RIIAD1: variants seen among roughly 807,000 people sequenced by gnomAD.
RIIAD1 encodes the protein regulatory subunit of type II PKA R-subunit domain containing 1, also known as RIIa domain-containing protein 1.
Under a neutral mutation model 13.3 loss-of-function variants are expected in RIIAD1, and 15 were observed. The ratio of observed to expected loss-of-function variants is 1.13; its 90% CI spans 0.76 to 1.74. The LOEUF is 1.74. Among genes scored for constraint, RIIAD1 ranks in the 40% most tolerant of loss-of-function variants. The pLI is 0.00. For synonymous variants in RIIAD1, 50 were observed against 43.3 expected, an observed-to-expected ratio of 1.16 and a Z score of -0.61; for missense variants, 121 against 112.2, an observed-to-expected ratio of 1.08 and a Z score of -0.35.
At chr1:151,716,767 G>A (rs1286332217), upstream of RIIAD1, 3 of 465,276 alleles carry the variant, frequency 6.4e-6, no homozygotes, top group East Asian at 7.1e-5. Flanking sequence ...GGGTCCCGGA[G>A]CTCTGCTCTC....
At position 151,721,764 on chromosome 1, in the gene RIIAD1, C is replaced by G. The variant is rs186895692; in HGVS notation, c.84+144C>G. The G allele has an allele frequency of 6.7e-4, 343 of 513,896 alleles. 6 individuals carry two copies. The highest frequency in any genetic ancestry group is 6.0e-3 in the East Asian group (183 of 30,606). 31.8% of individuals were successfully genotyped at this position (513,896 alleles called of 1,614,324 possible). On this transcript the variant is annotated intron_variant, in intron 1 of 4. Coordinates refer to ENST00000479191, the MANE Select transcript of RIIAD1 (RefSeq NM_001144956.3). ...AGTGGGGAGGGCGCAGGGGAGACCC[C>G]CGGCGGACCTCTAGGCGTCTGATCC...
intron 4 of RIIAD1, chr1:151,714,538 C>T (rs750785391): frequency 7.1e-5 from 95 of 1,341,082 alleles, no homozygotes; most frequent in Non-Finnish European, 9.3e-5. Context: ...TGGTGAGCCT[C>T]CTGCCACTTC....
chr1:151,718,816 C>A (rs563280144), upstream of RIIAD1, among the ~76,000 whole-genome samples: 2 of 152,238 alleles, frequency 1.3e-5, no homozygotes, highest in South Asian at 4.2e-4. Flanking sequence ...TAACTTTCCA[C>A]TCACCTACCC....
At chr1:151,729,191 C>G (rs1351565879) in intron 4 of RIIAD1, among the ~76,000 whole-genome samples, 1 of 152,006 alleles carries the variant, frequency 6.6e-6, no homozygotes, top group Non-Finnish European at 1.5e-5. Context: ...GGGAGGGGGC[C>G]ATTAGCATCA....
chr1:151,712,542 G>A (rs758332960), intron 2 of RIIAD1, among the ~76,000 whole-genome samples: 52 of 152,182 alleles, frequency 3.4e-4, no homozygotes, highest in Admixed American at 1.6e-3. Context: ...AGGGTGAAGG[G>A]GGAAGAGCTG....
intron 3 of RIIAD1, 44 bp downstream of exon 3, chr1:151,727,665 G>A (rs1025051530): frequency 1.1e-5 from 15 of 1,335,398 alleles, no homozygotes; most frequent in Middle Eastern, 1.8e-4. Context: ...CAAAGCCAGC[G>A]CAGGGAGCAT....
chr1:151,727,703 C>A (rs1275126299), intron 3 of RIIAD1, 82 bp downstream of exon 3: 1 of 894,204 alleles, frequency 1.1e-6, no homozygotes, highest in Non-Finnish European at 1.7e-6. Context: ...TGAATGAGCC[C>A]AGGATTCTCC....
chr1:151,712,064 T>C (rs1469766508), intron 2 of RIIAD1: 1 of 152,482 alleles, frequency 6.6e-6, no homozygotes, highest in Non-Finnish European at 1.5e-5. Flanking sequence ...CCAGCCTCCT[T>C]CTTCGTGGCC....
chr1:151,721,594 C>T lies in RIIAD1; in HGVS notation c.58C>T (p.Gln20Ter). The change falls in exon 1 of 5, where the codon CAG becomes TAG. Residue 20 changes from glutamine to a stop codon, truncating the protein, a stop_gained. Transcript: ENST00000479191. LOFTEE classifies it high-confidence loss of function. ...RPDPGALSAA[Q>*]LEQLRKFKIQ... ...CGACCCCGGGGCGCTTAGCGCAGCG[C>T]AGCTGGAGCAGCTGCGAAAATTCAA... 7.7e-7 allele frequency: 1 copy of T among 1,302,404 alleles called. No homozygotes were observed. The highest frequency in any genetic ancestry group is 9.8e-7 in the Non-Finnish European group (1 of 1,022,526). 80.7% of individuals were successfully genotyped at this position (1,302,404 alleles called of 1,614,324 possible).
chr1:151,716,441 T>C, intron 4 of RIIAD1: 1 of 288,838 alleles, frequency 3.5e-6, no homozygotes, highest in Non-Finnish European at 6.9e-6. Context: ...GGGAGGAGAC[T>C]GAGGGGTTAA....
chr1:151,728,908 C>T lies in RIIAD1; in HGVS notation c.*57+15C>T. On this transcript the variant is annotated intron_variant, in intron 4 of 4. Transcript: ENST00000479191. ...CCAGCCTCGGGGTGGGTGTTAACCT[C>T]ACTTACAGACAGAGGCTTCTTTACT... 1 of 795,946 alleles carries T rather than the reference C, an allele frequency of 1.3e-6. No individual in the cohort carries two copies. Among genetic ancestry groups the T allele is most frequent in the Non-Finnish European group, 2.2e-6 (1 of 461,488 alleles). The allele number at this position is 795,946 out of a possible 1,614,324, so 49.3% of individuals were successfully genotyped here. A position where few individuals can be genotyped will look rare whatever the true frequency, so the allele number is the denominator to read the frequency against.
At chr1:151,724,619 A>G (rs1673793956) in intron 2 of RIIAD1, among the ~76,000 whole-genome samples, 1 of 152,198 alleles carries the variant, frequency 6.6e-6, no homozygotes, top group Non-Finnish European at 1.5e-5. Context: ...CTAATGATTT[A>G]TGGCCATTCA....
intron 4 of RIIAD1, chr1:151,715,480 A>G: frequency 1.7e-6 from 1 of 593,372 alleles, no homozygotes; most frequent in Non-Finnish European, 2.8e-6. Context: ...CCCCATCCCA[A>G]TATTATCTGA....
At chr1:151,726,203 G>T (rs965065319) in intron 2 of RIIAD1, among the ~76,000 whole-genome samples, 43 of 152,138 alleles carry the variant, frequency 2.8e-4, no homozygotes, top group African/African-American at 1.0e-3. Flanking sequence ...GATTGTTGGG[G>T]TCCCCCTCTC....
chr1:151,713,934 T>C (rs1376653919), intron 3 of RIIAD1, among the ~76,000 whole-genome samples: 1 of 152,188 alleles, frequency 6.6e-6, no homozygotes, highest in Non-Finnish European at 1.5e-5. Flanking sequence ...AGGCCACCCC[T>C]GCCTCCCTGG....
At chr1:151,719,627 G>A (rs1307270395), upstream of RIIAD1, 25 of 702,800 alleles carry the variant, frequency 3.6e-5, no homozygotes, top group East Asian at 5.1e-4. Context: ...ATTTATGAGA[G>A]TGCACAAAGA....
chr1:151,714,442 A>G, exon 4 of RIIAD1: 3 of 710,786 alleles, frequency 4.2e-6, no homozygotes, highest in Admixed American at 2.1e-5. Context: ...GCATGCATCT[A>G]CAGCAAGAAA....
upstream of RIIAD1, chr1:151,719,581 C>T (rs1381088045): frequency 4.3e-6 from 3 of 701,678 alleles, no homozygotes; most frequent in Non-Finnish European, 7.8e-6. Context: ...TACTGGCTTC[C>T]CTGATTGAAT....
rs1647300165 is a variant in RIIAD1, at chr1:151,729,756, C to T, written c.*326C>T. The T allele has an allele frequency of 6.6e-6, 1 of 152,180 alleles. No homozygotes were observed. The highest frequency in any genetic ancestry group is 2.4e-5 in the African/African-American group (1 of 41,430). The allele number at this position is 152,180 out of a possible 1,614,324, so 9.4% of individuals were successfully genotyped here. On this transcript the variant is annotated 3_prime_UTR_variant, in exon 5 of 5. Transcript: ENST00000479191. The stretch of plus-strand genomic sequence containing the variant: ...GTCAGTGGGCTGTCGTGCCCACCCC[C>T]TGGGAAGAACACAGCTGATCACGGG...
Sources: allele counts gnomAD v4.1 joint callset (sites outside exome capture counted in the v4.1 genomes callset), GRCh38; gene constraint gnomAD v4.1.1; transcripts MANE v1.5; gene names NCBI Gene and HGNC (gene_info 2026-07-23, HGNC 2026-07-21).